The following TRPM6 variants were observed in gnomAD, a reference collection of about 807,000 sequenced individuals.
TRPM6 encodes channel kinase 2.
Under a neutral mutation model 247.6 loss-of-function variants are expected in TRPM6, and 111 were observed. That is an observed-to-expected ratio of 0.45 (90% CI 0.38 to 0.52). TRPM6 has a LOEUF of 0.52. TRPM6 is among the 20% of genes least tolerant of loss of function. TRPM6 has a pLI of 0.00. For synonymous variants in TRPM6, 892 were observed against 853.8 expected (o/e 1.04, Z -0.78); for missense variants, 2,126 against 2,421.5 (o/e 0.88, Z 2.56).
At chr9:74,874,900 C>T (rs1387027977) in intron 1 of TRPM6, among the ~76,000 whole-genome samples, 3 of 151,552 alleles carry the variant, frequency 2.0e-5, no homozygotes, top group Admixed American at 6.6e-5. Flanking sequence ...GGATTACAGG[C>T]ATGCACCACC....
chr9:74,873,377 G>C (rs780042320), intron 1 of TRPM6, among the ~76,000 whole-genome samples: 1 of 152,202 alleles, frequency 6.6e-6, no homozygotes. Context: ...CAAAGACAGG[G>C]AACTGTCTGA....
rs1316226224 is a variant in TRPM6 at position 74,723,520 on chromosome 9, A to T, written c.*1093T>A. On this transcript the variant is annotated 3_prime_UTR_variant, in exon 39 of 39. Coordinates refer to ENST00000360774, the MANE Select transcript of TRPM6 (RefSeq NM_017662.5). ...TTCTCGTTTAAAAAAAAAAAAAAAA[A>T]GGCCAGGCGCAGTGGCTCACGCCTG... is the stretch of plus-strand genomic sequence containing the variant. The T allele has an allele frequency of 2.0e-5, 3 of 148,656 alleles. No homozygotes were observed. The highest frequency in any genetic ancestry group is 4.5e-5 in the Non-Finnish European group (3 of 67,408). 9.2% of individuals were successfully genotyped at this position (148,656 alleles called of 1,614,324 possible). A position where few individuals can be genotyped will look rare whatever the true frequency, so the allele number is the denominator to read the frequency against.
chr9:74,762,245 A>C lies in TRPM6; in HGVS notation c.4426T>G (p.Leu1476Val). 6.2e-7 allele frequency: 1 copy of C among 1,614,214 alleles called. No individual in the cohort carries two copies. The highest frequency in any genetic ancestry group is 8.5e-7 in the Non-Finnish European group (1 of 1,180,028). The change falls in exon 26 of 39, where the codon TTG becomes GTG. Residue 1476 changes from leucine (L) to valine (V), a missense_variant. This residue lies in a region of TRPM6 where 717 missense variants were observed against 715.9 expected (regional missense o/e 1.00). Coordinates refer to ENST00000360774, the MANE Select transcript of TRPM6 (RefSeq NM_017662.5). ...GAATCACTGTCACAAGTGGAGGGCA[A>C]GCAGGTTTGCCACTTTTTCTTGATG... is the stretch of plus-strand genomic sequence containing the variant. ...FSIKKKWQTC[L>V]PSTCDSDSSR...
chr9:74,832,550 G>C (rs1829581904), intron 6 of TRPM6, among the ~76,000 whole-genome samples: 1 of 152,052 alleles, frequency 6.6e-6, no homozygotes, highest in African/African-American at 2.4e-5. Context: ...ATTTTAGAAA[G>C]AACTACTAAA....
chr9:74,783,907 T>C (rs1471066556), intron 21 of TRPM6, among the ~76,000 whole-genome samples: 1 of 152,268 alleles, frequency 6.6e-6, no homozygotes, highest in African/African-American at 2.4e-5. Flanking sequence ...CCAAAGATGA[T>C]CTTGAGACAC....
chr9:74,808,061 G>A lies in TRPM6; in HGVS notation c.1611C>T (p.Leu537=). The A allele has an allele frequency of 6.2e-7, 1 of 1,613,914 alleles. No individual in the cohort carries two copies. The highest frequency in any genetic ancestry group is 1.3e-5 in the African/African-American group (1 of 75,020). ...TGTATTTTCTGTAGAGGTTGTTGTA[G>A]AGGGCTCTGAAATGTTTTCTAGTGT... The part of the protein sequence containing the change: ...SNYTRKHFRA[L]YNNLYRKYKH... The change falls in exon 14 of 39, where the codon CTC becomes CTT. Residue 537 remains leucine, a synonymous_variant. Coordinates refer to ENST00000360774, the MANE Select transcript of TRPM6 (RefSeq NM_017662.5).
intron 37 of TRPM6, 22 bp downstream of exon 37, chr9:74,732,663 G>A (rs752757664): frequency 3.9e-6 from 6 of 1,555,346 alleles, no homozygotes; most frequent in Admixed American, 1.7e-5. Flanking sequence ...TTTTCTAAAT[G>A]ATAACACATA....
chr9:74,842,423 T>C, intron 3 of TRPM6, 80 bp from the exon 4 acceptor site: 1 of 1,382,248 alleles, frequency 7.2e-7, no homozygotes. Flanking sequence ...TAAAGTAATG[T>C]ATAGATGCCA....
At chr9:74,825,752 G>A (rs1049438349) in intron 7 of TRPM6, among the ~76,000 whole-genome samples, 1 of 152,046 alleles carries the variant, frequency 6.6e-6, no homozygotes, top group East Asian at 1.9e-4. Flanking sequence ...ACATTATAGC[G>A]CTGCACAGAA....
intron 1 of TRPM6, among the ~76,000 whole-genome samples, chr9:74,869,663 C>A (rs1405858439): frequency 6.6e-6 from 1 of 151,690 alleles, no homozygotes; most frequent in African/African-American, 2.4e-5. Flanking sequence ...TGCCAGAGAT[C>A]TTTTACATGA....
chr9:74,827,534 A>G (rs1051555486), intron 7 of TRPM6, among the ~76,000 whole-genome samples: 20 of 151,888 alleles, frequency 1.3e-4, no homozygotes, highest in African/African-American at 3.6e-4. Flanking sequence ...AGAGAGAGGA[A>G]GAAATCTTTG....
intron 9 of TRPM6, among the ~76,000 whole-genome samples, chr9:74,819,122 A>G (rs569968801): frequency 6.6e-5 from 10 of 152,126 alleles, no homozygotes; most frequent in Non-Finnish European, 1.3e-4. Flanking sequence ...AGCTTGGCCA[A>G]CATGGTGAAA....
chr9:74,787,308 C>A (rs1827716911), intron 20 of TRPM6, among the ~76,000 whole-genome samples: 1 of 150,020 alleles, frequency 6.7e-6, no homozygotes. Flanking sequence ...GCACTCCAGC[C>A]TGGGTGACAG....
chr9:74,820,749 T>C (rs917057847), intron 8 of TRPM6, among the ~76,000 whole-genome samples: 7 of 152,014 alleles, frequency 4.6e-5, no homozygotes, highest in African/African-American at 1.5e-4. Context: ...TTTACATTTA[T>C]AAAAGAAGAA....
rs755160151 is a variant in TRPM6 at position 74,762,599 on chromosome 9, C to T, written c.4072G>A (p.Ala1358Thr). The change falls in exon 26 of 39, where the codon GCA becomes ACA. Residue 1358 changes from alanine to threonine, a missense_variant. Ala to Thr is a moderately conservative substitution (Grantham distance 58). Coordinates refer to ENST00000360774, the MANE Select transcript of TRPM6 (RefSeq NM_017662.5). Reference sequence around the variant, plus strand: ...CTGGACAGAGGCAAGACAGTTTCTGCTGAAAAAGGAACTCGCTTTAGATTA... The same window carrying T: ...CTGGACAGAGGCAAGACAGTTTCTGTTGAAAAAGGAACTCGCTTTAGATTA... ...PSNLKRVPFS[A>T]ETVLPLSRPS... is the part of the protein sequence containing the mutation. The T allele has an allele frequency of 6.2e-7, 1 of 1,614,162 alleles. No homozygotes were observed. Among genetic ancestry groups the T allele is most frequent in the Non-Finnish European group, 8.5e-7 (1 of 1,180,036 alleles).
intron 27 of TRPM6, among the ~76,000 whole-genome samples, chr9:74,758,501 T>C (rs1826512462): frequency 6.6e-6 from 1 of 152,142 alleles, no homozygotes; most frequent in Non-Finnish European, 1.5e-5. Flanking sequence ...TGAATGAAAT[T>C]CACTGTAAAA....
intron 5 of TRPM6, among the ~76,000 whole-genome samples, chr9:74,834,456 CTTATTATTATTATTA>C (rs113274138): frequency 3.3e-5 from 5 of 150,038 alleles, no homozygotes; most frequent in Non-Finnish European, 7.4e-5. Flanking sequence ...ATTATGAATG[CTTATTATTATTATTA>C]TTATTATTAT....
Position 74,762,058 on chromosome 9 carries a change from C to A in TRPM6, c.4613G>T (p.Arg1538Met), listed in dbSNP as rs1276476689. 3.7e-6 allele frequency: 6 copies of A among 1,614,202 alleles called. No homozygotes were observed. The highest frequency in any genetic ancestry group is 4.2e-6 in the Non-Finnish European group (5 of 1,180,052). ...CTTATGGAATCTAAAACTATGACTC[C>A]TAGCGAAGGGCCTGTATCTGCGGAG... is the stretch of plus-strand genomic sequence containing the variant. ...NPLRRYRPFA[R>M]SHSFRFHKEE... is the part of the protein sequence containing the mutation. The change falls in exon 26 of 39, where the codon AGG (arginine) becomes ATG (methionine). Residue 1538 changes from arginine to methionine, a missense_variant. By Grantham distance (91) the Arg-to-Met change is moderately conservative. Transcript: ENST00000360774.
chr9:74,881,486 A>G (rs2118529867), intron 1 of TRPM6, among the ~76,000 whole-genome samples: 1 of 152,316 alleles, frequency 6.6e-6, no homozygotes, highest in South Asian at 2.1e-4. Flanking sequence ...ACTCCAATAC[A>G]GTAACGGTTG....
Sources: allele counts gnomAD v4.1 joint callset (sites outside exome capture counted in the v4.1 genomes callset), GRCh38; gene constraint gnomAD v4.1.1; regional missense constraint gnomAD v4.1.1; transcripts MANE v1.5; gene names NCBI Gene and HGNC (gene_info 2026-07-23, HGNC 2026-07-21).